LIPT2: variants seen among roughly 807,000 people sequenced by gnomAD.
LIPT2 encodes the protein octanoyl-[acyl-carrier-protein]:protein N-octanoyltransferase LIPT2, mitochondrial.
Under a neutral mutation model 16.2 loss-of-function variants are expected in LIPT2, and 16 were observed. The ratio of observed to expected loss-of-function variants is 0.99; its 90% CI spans 0.67 to 1.50. The LOEUF (loss-of-function observed/expected upper bound fraction) is 1.50. LIPT2 is among the 40% of genes most tolerant of loss of function. The pLI is 0.00. For missense variants in LIPT2, 424 were observed against 347.7 expected (o/e 1.22, Z -1.75); for synonymous variants, 199 against 169.3 (o/e 1.18, Z -1.36).
intron 1 of LIPT2, among the ~76,000 whole-genome samples, chr11:74,492,943 T>A (rs2135043478): frequency 6.6e-6 from 1 of 152,108 alleles, no homozygotes. Context: ...TTAGCACCCT[T>A]ATTTGCCATG....
chr11:74,493,581 C>A lies in LIPT2; in HGVS notation c.123G>T (p.Gly41=). The A allele has an allele frequency of 1.4e-6, 2 of 1,451,054 alleles. No homozygotes were observed. Among genetic ancestry groups the A allele is most frequent in the Non-Finnish European group, 1.8e-6 (2 of 1,107,152 alleles). The allele number at this position is 1,451,054 out of a possible 1,614,324, so 89.9% of individuals were successfully genotyped here. A position where few individuals can be genotyped will look rare whatever the true frequency, so the allele number is the denominator to read the frequency against. The part of the protein sequence containing the change: ...QAEPGIEAPS[G]TEAGALLLCE... ...AGAGCAGGAGCGCGCCCGCCTCAGT[C>A]CCCGACGGGGCCTCAATGCCTGGCT... The change falls in exon 1 of 2, where the codon GGG becomes GGT. Residue 41 remains glycine, a synonymous_variant. Transcript: ENST00000310109.
Position 74,493,413 on chromosome 11 carries a change from C to G in LIPT2, c.291G>C (p.Leu97=). 1 of 1,515,560 alleles carries G rather than the reference C, an allele frequency of 6.6e-7. No homozygotes were observed. The highest frequency in any genetic ancestry group is 8.8e-7 in the Non-Finnish European group (1 of 1,139,012). The allele number at this position is 1,515,560 out of a possible 1,614,324, so 93.9% of individuals were successfully genotyped here. ...GCAGGTCGAGTACCGGGTGGCAAAG[C>G]AGCTGGCCCGGGCCGTGGAAGGTGG... ...GLATFHGPGQ[L]LCHPVLDLRR... The change falls in exon 1 of 2, where the codon CTG becomes CTC. Residue 97 remains leucine (L), a synonymous_variant. Coordinates refer to ENST00000310109, the MANE Select transcript of LIPT2 (RefSeq NM_001144869.3).
rs1864363350 is a variant in LIPT2 at position 74,492,460 on chromosome 11, C to T, written c.467-96G>A. ...CGATGAGAAAACTGGATTAGATCAC[C>T]GGTTTTCAAATTTTGTTTCTGGAGA... On this transcript the variant is annotated intron_variant, in intron 1 of 1. Transcript: ENST00000310109. The T allele has an allele frequency of 6.4e-6, 5 of 778,216 alleles. No homozygotes were observed. The South Asian group carries it at 6.6e-5, about 10-fold the overall frequency. 48.2% of individuals were successfully genotyped at this position (778,216 alleles called of 1,614,324 possible).
rs1421235767 is a variant in LIPT2 at position 74,491,730 on chromosome 11, G to C, written c.*405C>G. The C allele has an allele frequency of 1.7e-5, 3 of 173,800 alleles. No homozygotes were observed. The highest frequency in any genetic ancestry group is 3.8e-5 in the Non-Finnish European group (3 of 79,916). 10.8% of individuals were successfully genotyped at this position (173,800 alleles called of 1,614,324 possible). A position where few individuals can be genotyped will look rare whatever the true frequency, so the allele number is the denominator to read the frequency against. ...CTTCACCTGGGCCATTCAGAGATTT[G>C]ATTCCCACAAAATCAAAGGAACTAG... On this transcript the variant is annotated 3_prime_UTR_variant, in exon 2 of 2. Coordinates refer to ENST00000310109, the MANE Select transcript of LIPT2 (RefSeq NM_001144869.3).
Position 74,493,366 on chromosome 11 carries a change from C to A in LIPT2, c.338G>T (p.Arg113Leu). 1 of 1,511,574 alleles carries A rather than the reference C, an allele frequency of 6.6e-7. No homozygotes were observed. Among genetic ancestry groups the A allele is most frequent in the Non-Finnish European group, 8.8e-7 (1 of 1,136,878 alleles). The allele number at this position is 1,511,574 out of a possible 1,614,324, so 93.6% of individuals were successfully genotyped here. A position where few individuals can be genotyped will look rare whatever the true frequency, so the allele number is the denominator to read the frequency against. ...LDLRRLGLRL[R>L]MHVASLEACA... ...CGCCTCCAGCGACGCTACGTGCATGCGCAAGCGCAGGCCGAGACGCCGCAG... is the reference window on the plus strand; with the variant it reads ...CGCCTCCAGCGACGCTACGTGCATGAGCAAGCGCAGGCCGAGACGCCGCAG... The change falls in exon 1 of 2, where the codon CGC becomes CTC. Residue 113 changes from arginine to leucine, a missense_variant. Arg to Leu is a moderately radical substitution (Grantham distance 102, BLOSUM62 -2). Coordinates refer to ENST00000310109, the MANE Select transcript of LIPT2 (RefSeq NM_001144869.3).
rs1864360066 is a variant in LIPT2, at chr11:74,492,340, G to A, written c.491C>T (p.Thr164Ile). The A allele has an allele frequency of 1.0e-5, 16 of 1,551,696 alleles. No individual in the cohort carries two copies. The highest frequency in any genetic ancestry group is 1.4e-5 in the Non-Finnish European group (16 of 1,146,890). The change falls in exon 2 of 2, where the codon ACA becomes ATA. Residue 164 changes from threonine to isoleucine, a missense_variant. By Grantham distance (89) the Thr-to-Ile change is moderately conservative. Transcript: ENST00000310109. ...GCAGTTGAGAGCCAGGCCGTGGGAT[G>A]TGATGTGCCTTCCACAGCGGACTCC... The part of the protein sequence containing the change: ...AIGVRCGRHI[T>I]SHGLALNCST...
Position 74,493,391 on chromosome 11 carries a change from G to C in LIPT2, c.313C>G (p.Leu105Val). ...CGCAAGCGCAGGCCGAGACGCCGCA[G>C]GTCGAGTACCGGGTGGCAAAGCAGC... ...GQLLCHPVLD[L>V]RRLGLRLRMH... The change falls in exon 1 of 2, where the codon CTG becomes GTG. Residue 105 changes from leucine to valine, a missense_variant. Leu to Val is a conservative substitution (Grantham distance 32). Transcript: ENST00000310109. 6.6e-7 allele frequency: 1 copy of C among 1,515,748 alleles called. No individual in the cohort carries two copies. The highest frequency in any genetic ancestry group is 8.8e-7 in the Non-Finnish European group (1 of 1,139,062). The allele number at this position is 1,515,748 out of a possible 1,614,324, so 93.9% of individuals were successfully genotyped here.
rs1214393019 is a variant in LIPT2, at chr11:74,491,438, G to C, written c.*697C>G. 2.0e-5 allele frequency among the ~76,000 whole-genome samples: 3 copies of C among 152,174 alleles called. No homozygotes were observed. Among genetic ancestry groups the C allele is most frequent in the Non-Finnish European group, 4.4e-5 (3 of 68,024 alleles). On this transcript the variant is annotated 3_prime_UTR_variant, in exon 2 of 2. Transcript: ENST00000310109. ...TTTGTTACACAGCAACAGATAATAC[G>C]CAGCCTTACAAATTTAGAGGTCTCA...
In LIPT2 at chr11:74,493,248, G is replaced by C; in HGVS notation, c.456C>G (p.Ile152Met). The C allele has an allele frequency of 7.4e-7, 1 of 1,352,406 alleles. No homozygotes were observed. The highest frequency in any genetic ancestry group is 9.5e-7 in the Non-Finnish European group (1 of 1,053,434). 83.8% of individuals were successfully genotyped at this position (1,352,406 alleles called of 1,614,324 possible). ...YTGVWLDDRKICAIGVRCGRH... is the reference protein window; with the variant it reads ...YTGVWLDDRKMCAIGVRCGRH... ...CTCCGCGGCGCTCACCGATCGCGCA[G>C]ATCTTGCGATCGTCTAGCCAGACGC... is the stretch of plus-strand genomic sequence containing the variant. The change falls in exon 1 of 2, where the codon ATC becomes ATG. Residue 152 changes from isoleucine (I) to methionine (M), a missense_variant. Ile to Met is a conservative substitution (Grantham distance 10, BLOSUM62 1). Transcript: ENST00000310109.
At chr11:74,493,162 GC>G in intron 1 of LIPT2, 75 bp downstream of exon 1, 5 of 1,130,646 alleles carry the variant, frequency 4.4e-6, no homozygotes, top group Non-Finnish European at 5.8e-6. Context: ...CGTTGGTCCA[GC>G]CCCGTCAGAC....
In LIPT2 at chr11:74,493,260, G is replaced by T. The variant is rs376565466; in HGVS notation, c.444C>A (p.Asp148Glu). The change falls in exon 1 of 2, where the codon GAC (aspartate) becomes GAA (glutamate). Residue 148 changes from aspartate (D) to glutamate (E), a missense_variant. Coordinates refer to ENST00000310109, the MANE Select transcript of LIPT2 (RefSeq NM_001144869.3). ...RPPPYTGVWL[D>E]DRKICAIGVR... The stretch of plus-strand genomic sequence containing the variant: ...CACCGATCGCGCAGATCTTGCGATC[G>T]TCTAGCCAGACGCCAGTGTAGGGCG... 2.4e-5 allele frequency: 33 copies of T among 1,366,368 alleles called. No individual in the cohort carries two copies. Among genetic ancestry groups the T allele is most frequent in the African/African-American group, 3.0e-5 (2 of 65,896 alleles). 84.6% of individuals were successfully genotyped at this position (1,366,368 alleles called of 1,614,324 possible).
At chr11:74,493,130 G>T in intron 1 of LIPT2, 108 bp downstream of exon 1, 1 of 749,692 alleles carries the variant, frequency 1.3e-6, no homozygotes, top group Non-Finnish European at 1.9e-6. Flanking sequence ...CGCTAGATAC[G>T]CCTCCTCCCG....
chr11:74,492,399 C>A, intron 1 of LIPT2, 35 bp from the exon 2 acceptor site: 1 of 1,356,110 alleles, frequency 7.4e-7, no homozygotes. Context: ...AGAGTAGATA[C>A]CCTCCACTCT....
chr11:74,492,254 T>A lies in LIPT2; in HGVS notation c.577A>T (p.Thr193Ser). ...VPCGLVGTGVTSLSKELQRHV... is the reference protein window; with the variant it reads ...VPCGLVGTGVSSLSKELQRHV... ...CTCTGGAGCTCCTTACTCAAGGAAG[T>A]GACGCCTGTCCCAACCAGTCCACAG... is the stretch of plus-strand genomic sequence containing the variant. Residue 193 changes from threonine (T) to serine (S), a missense_variant, in exon 2 of 2, where the codon ACT (threonine) becomes TCT (serine). Transcript: ENST00000310109. 1 of 1,551,726 alleles carries A rather than the reference T, an allele frequency of 6.4e-7. No homozygotes were observed. Among genetic ancestry groups the A allele is most frequent in the Non-Finnish European group, 8.7e-7 (1 of 1,146,990 alleles).
rs1019994963 is a variant in LIPT2 at position 74,493,641 on chromosome 11, C to A, written c.63G>T (p.Gly21=). ...LGRVPYAELL[G]LQDRWLRRLQ... is the part of the protein sequence containing the mutation. Reference sequence around the variant, plus strand: ...GCCGCCGCAGCCAGCGGTCCTGCAGCCCCAGTAGCTCGGCGTACGGCACCC... The same window carrying A: ...GCCGCCGCAGCCAGCGGTCCTGCAGACCCAGTAGCTCGGCGTACGGCACCC... The change falls in exon 1 of 2, where the codon GGG becomes GGT. Residue 21 remains glycine, a synonymous_variant. Coordinates refer to ENST00000310109, the MANE Select transcript of LIPT2 (RefSeq NM_001144869.3). 44 of 1,456,990 alleles carry A rather than the reference C, an allele frequency of 3.0e-5. No homozygotes were observed. Among genetic ancestry groups the A allele is most frequent in the Non-Finnish European group, 3.9e-5 (43 of 1,111,262 alleles). The allele number at this position is 1,456,990 out of a possible 1,614,324, so 90.3% of individuals were successfully genotyped here.
rs1386878832 is a variant in LIPT2, at chr11:74,490,577, T to C, written c.*1558A>G. On this transcript the variant is annotated 3_prime_UTR_variant, in exon 2 of 2. Transcript: ENST00000310109. ...AATTAAAATATTAAAATTAACATCA[T>C]AGACCAGGCATGGTGGCTCACACCT... is the stretch of plus-strand genomic sequence containing the variant. 6.6e-6 allele frequency among the ~76,000 whole-genome samples: 1 copy of C among 152,180 alleles called. No homozygotes were observed. Among genetic ancestry groups the C allele is most frequent in the African/African-American group, 2.4e-5 (1 of 41,460 alleles).
chr11:74,492,140 T>C lies in LIPT2; in HGVS notation c.691A>G (p.Asn231Asp), dbSNP rs1377733419. Residue 231 changes from asparagine (N) to aspartate (D), a missense_variant, in exon 2 of 2, where the codon AAC becomes GAC. Coordinates refer to ENST00000310109, the MANE Select transcript of LIPT2 (RefSeq NM_001144869.3). ...KCTLISEDSP[N>D] ...CTGGCTGTTATGAGTACTCTTCAGT[T>C]GGGGCTGTCCTCTGAGATCAGTGTG... 1.3e-6 allele frequency: 2 copies of C among 1,550,864 alleles called. No homozygotes were observed. The highest frequency in any genetic ancestry group is 1.7e-6 in the Non-Finnish European group (2 of 1,146,356).
At position 74,493,384 on chromosome 11, in the gene LIPT2, C is replaced by T. The variant is rs927052810; in HGVS notation, c.320G>A (p.Arg107His). 1.3e-6 allele frequency: 2 copies of T among 1,513,898 alleles called. No homozygotes were observed. The highest frequency in any genetic ancestry group is 2.0e-5 in the Admixed American group (1 of 48,956). The allele number at this position is 1,513,898 out of a possible 1,614,324, so 93.8% of individuals were successfully genotyped here. A position where few individuals can be genotyped will look rare whatever the true frequency, so the allele number is the denominator to read the frequency against. ...LLCHPVLDLR[R>H]LGLRLRMHVA... ...GTGCATGCGCAAGCGCAGGCCGAGA[C>T]GCCGCAGGTCGAGTACCGGGTGGCA... is the stretch of plus-strand genomic sequence containing the variant. The change falls in exon 1 of 2, where the codon CGT becomes CAT. Residue 107 changes from arginine to histidine, a missense_variant. Physicochemically the swap from Arg to His is conservative, Grantham distance 29. Coordinates refer to ENST00000310109, the MANE Select transcript of LIPT2 (RefSeq NM_001144869.3).
rs925315842 is a variant in LIPT2, at chr11:74,493,289, G to A, written c.415C>T (p.Pro139Ser). Reference protein sequence around the residue: ...LQGLQDARARPPPYTGVWLDD... With the variant: ...LQGLQDARARSPPYTGVWLDD... ...AGCCAGACGCCAGTGTAGGGCGGGG[G>A]CCGCGCGCGGGCGTCCTGCAGGCCC... Residue 139 changes from proline (P) to serine (S), a missense_variant, in exon 1 of 2, where the codon CCC becomes TCC. Physicochemically the swap from Pro to Ser is moderately conservative, Grantham distance 74. Coordinates refer to ENST00000310109, the MANE Select transcript of LIPT2 (RefSeq NM_001144869.3). 1.0e-4 allele frequency: 147 copies of A among 1,417,024 alleles called. No homozygotes were observed. The African/African-American group carries it at 1.8e-3, about 18-fold the overall frequency. 87.8% of individuals were successfully genotyped at this position (1,417,024 alleles called of 1,614,324 possible). A position where few individuals can be genotyped will look rare whatever the true frequency, so the allele number is the denominator to read the frequency against.
Sources: allele counts gnomAD v4.1 joint callset (sites outside exome capture counted in the v4.1 genomes callset), GRCh38; gene constraint gnomAD v4.1.1; transcripts MANE v1.5; gene names NCBI Gene and HGNC (gene_info 2026-07-23, HGNC 2026-07-21).